The following VRK2 variants were observed in gnomAD, a reference collection of about 807,000 sequenced individuals.
VRK2 encodes the protein serine/threonine-protein kinase VRK2.
Under a neutral mutation model 57.6 loss-of-function variants are expected in VRK2, and 60 were observed. That is an observed-to-expected ratio of 1.04 (90% CI 0.85 to 1.29). VRK2 has a LOEUF of 1.29. Ranked by LOEUF, VRK2 falls within the 50% of genes most tolerant of loss-of-function variation. The pLI is 0.00. For missense variants in VRK2, 705 were observed against 588.1 expected, an observed-to-expected ratio of 1.20 and a Z score of -2.06; for synonymous variants, 231 against 199.2, an observed-to-expected ratio of 1.16 and a Z score of -1.35.
chr2:58,052,342 G>A (rs1675871262), intron 2 of VRK2, among the ~76,000 whole-genome samples: 1 of 152,202 alleles, frequency 6.6e-6, no homozygotes, highest in Non-Finnish European at 1.5e-5. Context: ...GCCAGGCACA[G>A]TGGCTCATGC....
chr2:58,019,751 A>C (rs1673693617), intron 1 of VRK2, among the ~76,000 whole-genome samples: 1 of 152,222 alleles, frequency 6.6e-6, no homozygotes, highest in Admixed American at 6.5e-5. Flanking sequence ...CTAGTTTCCT[A>C]TTGCTCAGAG....
At chr2:58,028,895 AATAAATAAATATATATATATAT>A (rs1451784158) in intron 2 of VRK2, among the ~76,000 whole-genome samples, 5 of 57,312 alleles carry the variant, frequency 8.7e-5, no homozygotes, top group African/African-American at 1.4e-4. Context: ...TAAATAAATA[AATAAATAAATATATATATATAT>A]ATATATATAT....
intron 10 of VRK2, among the ~76,000 whole-genome samples, chr2:58,135,560 A>G (rs1679896993): frequency 6.6e-6 from 1 of 152,024 alleles, no homozygotes; most frequent in Non-Finnish European, 1.5e-5. Flanking sequence ...TATTGTTGAA[A>G]GAAGATAAAG....
chr2:57,971,261 C>A (rs1485656832), intron 1 of VRK2, among the ~76,000 whole-genome samples: 1 of 152,128 alleles, frequency 6.6e-6, no homozygotes, highest in Admixed American at 6.6e-5. Flanking sequence ...ACATAGTACT[C>A]ACTTAGCAGT....
At chr2:57,999,196 C>T (rs576657092) in intron 1 of VRK2, among the ~76,000 whole-genome samples, 4 of 152,238 alleles carry the variant, frequency 2.6e-5, no homozygotes, top group Non-Finnish European at 5.9e-5. Context: ...ATAAGAATAT[C>T]TTTGTGCAGT....
chr2:57,911,864 G>A (rs1459415512), intron 1 of VRK2, among the ~76,000 whole-genome samples: 1 of 152,112 alleles, frequency 6.6e-6, no homozygotes. Flanking sequence ...AAACAGCAGG[G>A]CTTGTCAATT....
chr2:57,918,440 C>T (rs1670226080), intron 1 of VRK2, among the ~76,000 whole-genome samples: 1 of 152,024 alleles, frequency 6.6e-6, no homozygotes, highest in South Asian at 2.1e-4. Flanking sequence ...TTGGAAACAT[C>T]AAGGTTTTTA....
chr2:57,916,545 GATAATA>G (rs1003134660), intron 1 of VRK2, among the ~76,000 whole-genome samples: 6 of 151,184 alleles, frequency 4.0e-5, no homozygotes, highest in African/African-American at 1.5e-4. Context: ...TAAGCCCAAT[GATAATA>G]ATAATAATAA....
chr2:58,029,919 G>C (rs559205092), intron 2 of VRK2, among the ~76,000 whole-genome samples: 1 of 152,252 alleles, frequency 6.6e-6, no homozygotes, highest in East Asian at 1.9e-4. Context: ...TTTTCCTGGA[G>C]TTTGAATTTG....
At chr2:58,034,405 G>C (rs1410232623) in intron 3 of VRK2, among the ~76,000 whole-genome samples, 8 of 151,836 alleles carry the variant, frequency 5.3e-5, no homozygotes, top group Non-Finnish European at 1.0e-4. Flanking sequence ...TATTTCAAGG[G>C]TTACTCCCTC....
intron 2 of VRK2, among the ~76,000 whole-genome samples, chr2:58,050,708 G>A (rs78332791): frequency 0.038 from 5,797 of 152,250 alleles, 375 homozygotes; most frequent in African/African-American, 0.13. Context: ...ATACCTGTAT[G>A]TATCTATGTG....
chr2:57,928,694 G>A (rs2312143), intron 1 of VRK2, among the ~76,000 whole-genome samples: 48,046 of 151,924 alleles, frequency 0.32, 8,343 homozygotes, highest in East Asian at 0.41. Context: ...GGCTTTCTCA[G>A]TATTCAGTAT....
chr2:58,063,378 A>G (rs899838724), intron 2 of VRK2, among the ~76,000 whole-genome samples: 5 of 151,874 alleles, frequency 3.3e-5, no homozygotes, highest in African/African-American at 1.2e-4. Context: ...AGTGTTTGAT[A>G]GCAGTGTAGG....
At chr2:58,116,236 A>T (rs1182811751) in intron 7 of VRK2, among the ~76,000 whole-genome samples, 2 of 152,092 alleles carry the variant, frequency 1.3e-5, no homozygotes, top group South Asian at 2.1e-4. Context: ...GTCGCCAAGG[A>T]GGGAGTAGAG....
chr2:58,046,431 T>A (rs1376164264), upstream of VRK2: 6 of 952,372 alleles, frequency 6.3e-6, no homozygotes, highest in Non-Finnish European at 7.5e-6. Context: ...GAGAGCTCGG[T>A]AAGGACTAGC....
chr2:57,928,153 T>C (rs1670602640), intron 1 of VRK2, among the ~76,000 whole-genome samples: 1 of 152,180 alleles, frequency 6.6e-6, no homozygotes, highest in African/African-American at 2.4e-5. Context: ...TTAAGGCTAA[T>C]AATTTAGATT....
chr2:57,997,672 G>A (rs1448180798), intron 1 of VRK2, among the ~76,000 whole-genome samples: 1 of 152,176 alleles, frequency 6.6e-6, no homozygotes. Context: ...GGAAGCTGAA[G>A]TGGACAGATC....
intron 1 of VRK2, among the ~76,000 whole-genome samples, chr2:58,018,703 T>G (rs1673659463): frequency 6.6e-6 from 1 of 152,224 alleles, no homozygotes; most frequent in African/African-American, 2.4e-5. Context: ...TTTACCTTTA[T>G]AGTAGCGATA....
chr2:58,122,612 A>G (rs1199630639), intron 7 of VRK2, among the ~76,000 whole-genome samples: 2 of 152,200 alleles, frequency 1.3e-5, no homozygotes, highest in African/African-American at 2.4e-5. Context: ...GTATGGCAGA[A>G]GCAGCACAAA....
Sources: allele counts gnomAD v4.1 joint callset (sites outside exome capture counted in the v4.1 genomes callset), GRCh38; gene constraint gnomAD v4.1.1; transcripts MANE v1.5; gene names NCBI Gene and HGNC (gene_info 2026-07-23, HGNC 2026-07-21).